Variants in QTMAN observed in about 807,000 individuals in gnomAD.
QTMAN encodes the protein tRNA-queuosine alpha-mannosyltransferase.
chr2:144,005,093 A>G, the QTMAN span, among the ~76,000 whole-genome samples: 1 of 152,138 alleles, frequency 6.6e-6, no homozygotes, highest in African/African-American at 2.4e-5. Flanking sequence ...TGGCTCGCTT[A>G]GGTAATGGCA....
the QTMAN span, among the ~76,000 whole-genome samples, chr2:143,989,256 T>C: frequency 6.6e-6 from 1 of 151,906 alleles, no homozygotes; most frequent in Non-Finnish European, 1.5e-5. Context: ...TAATTTAATA[T>C]AATTTTTTAA....
the QTMAN span, among the ~76,000 whole-genome samples, chr2:144,240,132 G>A: frequency 2.6e-5 from 4 of 152,112 alleles, no homozygotes; most frequent in Non-Finnish European, 5.9e-5. Context: ...GTTTTAAATT[G>A]GTAAATTCTA....
chr2:144,005,601 A>T, the QTMAN span: 1 of 152,088 alleles, frequency 6.6e-6, no homozygotes, highest in East Asian at 1.9e-4. Flanking sequence ...ACTCTTGTTG[A>T]TGCGGCTTTT....
the QTMAN span, among the ~76,000 whole-genome samples, chr2:144,175,252 C>G: frequency 6.6e-6 from 1 of 152,146 alleles, no homozygotes; most frequent in African/African-American, 2.4e-5. Flanking sequence ...TCTTACCACT[C>G]TGTTCATTAG....
the QTMAN span, among the ~76,000 whole-genome samples, chr2:144,189,414 A>T: frequency 6.6e-6 from 1 of 152,192 alleles, no homozygotes; most frequent in Non-Finnish European, 1.5e-5. Flanking sequence ...ATACAGTGCA[A>T]TCTGTAAGAT....
At chr2:144,053,790 T>A in the QTMAN span, among the ~76,000 whole-genome samples, 3 of 152,178 alleles carry the variant, frequency 2.0e-5, no homozygotes, top group African/African-American at 7.2e-5. Context: ...CCTTTCAGCA[T>A]ATTCAGGAGC....
the QTMAN span, among the ~76,000 whole-genome samples, chr2:144,061,107 A>G: frequency 6.6e-6 from 1 of 152,168 alleles, no homozygotes; most frequent in Non-Finnish European, 1.5e-5. Context: ...ATGGCTCAGG[A>G]AAAGTAGGGA....
the QTMAN span, among the ~76,000 whole-genome samples, chr2:144,216,969 A>C: frequency 6.6e-6 from 1 of 152,182 alleles, no homozygotes; most frequent in Non-Finnish European, 1.5e-5. Flanking sequence ...GAGAAGAAAA[A>C]AAGACATTTT....
At chr2:144,227,585 C>T in the QTMAN span, among the ~76,000 whole-genome samples, 5 of 152,218 alleles carry the variant, frequency 3.3e-5, no homozygotes, top group East Asian at 9.7e-4. Context: ...AGGCACTGTG[C>T]TAAGCGTAAA....
chr2:144,235,959 G>A, the QTMAN span, among the ~76,000 whole-genome samples: 35 of 151,240 alleles, frequency 2.3e-4, no homozygotes, highest in African/African-American at 8.5e-4. Flanking sequence ...CAAATCATCT[G>A]TAACTCAGTA....
At chr2:144,288,132 G>A in the QTMAN span, among the ~76,000 whole-genome samples, 1 of 152,018 alleles carries the variant, frequency 6.6e-6, no homozygotes, top group Non-Finnish European at 1.5e-5. Context: ...GCCTCCCAAA[G>A]TGCTGGGATT....
At chr2:144,100,497 T>C in the QTMAN span, among the ~76,000 whole-genome samples, 1 of 152,238 alleles carries the variant, frequency 6.6e-6, no homozygotes, top group Non-Finnish European at 1.5e-5. Context: ...TTGGCTGTTA[T>C]TCAACTAATA....
At chr2:144,134,059 C>G in the QTMAN span, among the ~76,000 whole-genome samples, 1 of 152,140 alleles carries the variant, frequency 6.6e-6, no homozygotes, top group Non-Finnish European at 1.5e-5. Context: ...AAAAGCAGAA[C>G]TCTTGATGGC....
the QTMAN span, among the ~76,000 whole-genome samples, chr2:144,028,939 AG>A: frequency 6.6e-6 from 1 of 152,308 alleles, no homozygotes; most frequent in South Asian, 2.1e-4. Flanking sequence ...GGGGATTTGT[AG>A]GGTGTCTGTG....
the QTMAN span, among the ~76,000 whole-genome samples, chr2:143,991,346 G>T: frequency 1.3e-5 from 2 of 152,160 alleles, no homozygotes; most frequent in Non-Finnish European, 2.9e-5. Flanking sequence ...GATCTTTAAA[G>T]TAGCTAGAGA....
chr2:144,169,958 G>T, the QTMAN span, among the ~76,000 whole-genome samples: 8 of 151,920 alleles, frequency 5.3e-5, 1 homozygote, highest in African/African-American at 1.7e-4. Context: ...TGTTCATTTT[G>T]AATATCTTAC....
the QTMAN span, chr2:143,963,960 A>G: frequency 6.6e-6 from 1 of 152,132 alleles, no homozygotes; most frequent in Non-Finnish European, 1.5e-5. Context: ...TCTACTGAGA[A>G]TCGACTTCAA....
chr2:144,210,484 T>C, the QTMAN span, among the ~76,000 whole-genome samples: 3 of 152,200 alleles, frequency 2.0e-5, no homozygotes, highest in Admixed American at 6.5e-5. Context: ...AAAGTGGATA[T>C]ACATATGTGT....
At chr2:144,125,177 G>A in the QTMAN span, among the ~76,000 whole-genome samples, 1 of 151,920 alleles carries the variant, frequency 6.6e-6, no homozygotes, top group East Asian at 1.9e-4. Context: ...AAAATGCCAT[G>A]CAAATAGAAG....
Sources: allele counts gnomAD v4.1 joint callset (sites outside exome capture counted in the v4.1 genomes callset), GRCh38; gene constraint gnomAD v4.1.1; transcripts MANE v1.5; gene names NCBI Gene and HGNC (gene_info 2026-07-23, HGNC 2026-07-21).